The following STAU2 variants were observed in gnomAD, a reference collection of about 807,000 sequenced individuals.
STAU2 encodes the protein staufen double-stranded RNA binding protein 2, also known as double-stranded RNA-binding protein Staufen homolog 2.
A neutral mutation model predicts 65.9 loss-of-function variants in STAU2; 20 were observed. The ratio of observed to expected loss-of-function variants is 0.30; its 90% CI spans 0.21 to 0.44. The LOEUF (loss-of-function observed/expected upper bound fraction) is 0.44. Ranked by LOEUF, STAU2 falls within the 20% of genes least tolerant of loss-of-function variation. The pLI, the probability that STAU2 is intolerant of heterozygous loss-of-function variation, is 1.00. For synonymous variants in STAU2, 232 were observed against 233.9 expected (o/e 0.99, Z 0.07); for missense variants, 558 against 683.9 (o/e 0.82, Z 2.05).
intron 6 of STAU2, among the ~76,000 whole-genome samples, chr8:73,636,275 G>C (rs1437551220): frequency 6.6e-6 from 1 of 152,066 alleles, no homozygotes; most frequent in Non-Finnish European, 1.5e-5. Context: ...TACTCAGGAG[G>C]CGGAGGTGGG....
chr8:73,528,213 T>C (rs1019172702), intron 13 of STAU2, among the ~76,000 whole-genome samples: 17 of 152,326 alleles, frequency 1.1e-4, no homozygotes, highest in Admixed American at 1.1e-3. Context: ...GACTGCCACA[T>C]AATTGGTACT....
chr8:73,682,984 A>T (rs1586262001), intron 5 of STAU2, among the ~76,000 whole-genome samples: 2 of 152,070 alleles, frequency 1.3e-5, no homozygotes, highest in Non-Finnish European at 2.9e-5. Context: ...CAACAACAAT[A>T]AAAAAAGCCC....
intron 13 of STAU2, among the ~76,000 whole-genome samples, chr8:73,547,395 C>T (rs1258384864): frequency 6.6e-6 from 1 of 151,856 alleles, no homozygotes; most frequent in African/African-American, 2.4e-5. Context: ...AGCTGATCTA[C>T]AATTCTGCTG....
chr8:73,709,221 A>C, intron 3 of STAU2, 59 bp from the exon 4 acceptor site: 1 of 1,357,688 alleles, frequency 7.4e-7, no homozygotes, highest in Non-Finnish European at 9.6e-7. Flanking sequence ...ATGGAAGAAA[A>C]ACTAGTTTTG....
At chr8:73,571,535 A>G (rs949592801) in intron 12 of STAU2, among the ~76,000 whole-genome samples, 8 of 152,360 alleles carry the variant, frequency 5.3e-5, no homozygotes, top group Non-Finnish European at 7.3e-5. Context: ...AACAGAAATT[A>G]TAACAAACTG....
intron 12 of STAU2, among the ~76,000 whole-genome samples, chr8:73,555,595 T>C (rs1807687656): frequency 6.7e-6 from 1 of 150,040 alleles, no homozygotes; most frequent in Admixed American, 6.6e-5. Flanking sequence ...TAAAAAATAA[T>C]GCAACAATAA....
chr8:73,626,932 A>G (rs539376326), intron 6 of STAU2, among the ~76,000 whole-genome samples: 1 of 151,932 alleles, frequency 6.6e-6, no homozygotes, highest in Non-Finnish European at 1.5e-5. Context: ...GTGCTAAAGG[A>G]CACCACCCTA....
chr8:73,676,561 A>G (rs1427150183), intron 5 of STAU2, among the ~76,000 whole-genome samples: 1 of 152,130 alleles, frequency 6.6e-6, no homozygotes, highest in Non-Finnish European at 1.5e-5. Context: ...AGACTAATAA[A>G]TTAGCTTCCA....
chr8:73,469,889 T>C (rs1481083158), intron 13 of STAU2, among the ~76,000 whole-genome samples: 1 of 152,122 alleles, frequency 6.6e-6, no homozygotes, highest in African/African-American at 2.4e-5. Flanking sequence ...TGATGTGGCT[T>C]TTAAATGTGC....
Position 73,542,189 on chromosome 8 carries a change from C to T in STAU2, c.1530+9823G>A, listed in dbSNP as rs558788543. Among the ~76,000 whole-genome samples the T allele has an allele frequency of 6.6e-5, 10 of 152,188 alleles. No individual in the cohort carries two copies. The South Asian group carries it at 1.7e-3, about 25-fold the overall frequency. ...CAAAGATATACAAAGTATCTTAATG[C>T]TTTAAGTATTAAGAGGAGAGATTCC... On this transcript the variant is annotated intron_variant, in intron 13 of 14. Transcript: ENST00000524300.
chr8:73,517,611 A>G (rs1822813205), intron 13 of STAU2, among the ~76,000 whole-genome samples: 1 of 152,212 alleles, frequency 6.6e-6, no homozygotes, highest in Non-Finnish European at 1.5e-5. Flanking sequence ...AGCTACAGAT[A>G]ACTGAGGTAC....
chr8:73,640,439 C>T (rs895207709), intron 6 of STAU2, among the ~76,000 whole-genome samples: 1 of 152,102 alleles, frequency 6.6e-6, no homozygotes, highest in Non-Finnish European at 1.5e-5. Context: ...GACTAGAGGT[C>T]CACAAACGTT....
chr8:73,523,969 C>T (rs1055190965), intron 13 of STAU2, among the ~76,000 whole-genome samples: 8 of 152,092 alleles, frequency 5.3e-5, no homozygotes, highest in Non-Finnish European at 1.2e-4. Context: ...ATTGCCTGAG[C>T]CCAGGAGGCT....
At chr8:73,485,136 T>A (rs577729880) in intron 13 of STAU2, among the ~76,000 whole-genome samples, 87 of 128,348 alleles carry the variant, frequency 6.8e-4, no homozygotes, top group Non-Finnish European at 1.1e-3. Flanking sequence ...AACTACATCC[T>A]TACTCTTTTT....
chr8:73,669,639 CT>C (rs1692655306), intron 6 of STAU2, among the ~76,000 whole-genome samples: 2 of 29,126 alleles, frequency 6.9e-5, no homozygotes, highest in South Asian at 1.1e-3. Context: ...GCCTGGAATT[CT>C]CTCTCTCTCT....
chr8:73,736,888 C>T (rs543893292), intron 3 of STAU2, among the ~76,000 whole-genome samples: 3 of 152,070 alleles, frequency 2.0e-5, no homozygotes, highest in Non-Finnish European at 4.4e-5. Flanking sequence ...TTTTTTGGAA[C>T]GCATCTCGCT....
intron 3 of STAU2, among the ~76,000 whole-genome samples, chr8:73,709,906 C>G (rs1563521753): frequency 6.6e-6 from 1 of 152,010 alleles, no homozygotes; most frequent in South Asian, 2.1e-4. Context: ...AATAAACATT[C>G]TCACAGTTTA....
intron 13 of STAU2, among the ~76,000 whole-genome samples, chr8:73,537,306 G>A (rs1806244752): frequency 8.9e-6 from 1 of 112,972 alleles, no homozygotes. Context: ...AGATGAGTGG[G>A]ACTGAAAAAA....
intron 6 of STAU2, among the ~76,000 whole-genome samples, chr8:73,631,781 G>T (rs1297945538): frequency 6.6e-6 from 1 of 152,022 alleles, no homozygotes; most frequent in Non-Finnish European, 1.5e-5. Flanking sequence ...AAAAAGCCTG[G>T]GAAATTAATG....
Sources: gnomAD v4.1 joint callset for allele counts (sites outside exome capture counted in the v4.1 genomes callset) on GRCh38, gnomAD v4.1.1 for gene constraint, MANE v1.5 for transcripts, NCBI Gene and HGNC (gene_info 2026-07-23, HGNC 2026-07-21) for gene names.